The following ARHGAP24 variants were observed in gnomAD, a reference collection of about 807,000 sequenced individuals.
ARHGAP24 encodes the protein Rho GTPase activating protein 24.
A neutral mutation model predicts 76.4 loss-of-function variants in ARHGAP24; 50 were observed. That is an observed-to-expected ratio of 0.65 (90% CI 0.52 to 0.83). The LOEUF is 0.83. ARHGAP24 is among the 40% of genes least tolerant of loss of function. The pLI, the probability that ARHGAP24 is intolerant of heterozygous loss-of-function variation, is 0.00. For missense variants in ARHGAP24, 930 were observed against 914.2 expected (o/e 1.02, Z -0.22); for synonymous variants, 345 against 323.3 (o/e 1.07, Z -0.72).
At chr4:85,938,579 G>T (rs532010642) in intron 4 of ARHGAP24, among the ~76,000 whole-genome samples, 1 of 152,130 alleles carries the variant, frequency 6.6e-6, no homozygotes, top group South Asian at 2.1e-4. Context: ...GAAGTGTTTG[G>T]CACACTCTAT....
rs1259571110 is a variant in ARHGAP24 at position 85,856,470 on chromosome 4, TC to T, written c.269-67177del. On this transcript the variant is annotated intron_variant, in intron 3 of 9. Transcript: ENST00000395184. ...AAAAGAATTTTTAAAAGGAAATTAC[TC>T]TTTTTTTTTTTTTTTTTGAGACAAA... is the stretch of plus-strand genomic sequence containing the variant. 5.5e-4 allele frequency among the ~76,000 whole-genome samples: 45 copies of T among 82,240 alleles called. No homozygotes were observed. The South Asian group carries it at 0.025, about 46-fold the overall frequency. 54.0% of individuals were successfully genotyped at this position (82,240 alleles called of 152,430 possible).
intron 2 of ARHGAP24, among the ~76,000 whole-genome samples, chr4:85,682,145 C>T (rs1723229560): frequency 6.6e-6 from 1 of 152,158 alleles, no homozygotes; most frequent in Non-Finnish European, 1.5e-5. Flanking sequence ...TGACCAAGCT[C>T]AGCTGGACAG....
In ARHGAP24 at chr4:85,942,235, A is replaced by T. The variant is rs1279410338; in HGVS notation, c.561A>T (p.Gln187His). The T allele has an allele frequency of 6.2e-7, 1 of 1,614,002 alleles. No individual in the cohort carries two copies. The highest frequency in any genetic ancestry group is 2.2e-5 in the East Asian group (1 of 44,894). Reference protein sequence around the residue: ...PGQANLVKELQDAFDCGEKPS... With the variant: ...PGQANLVKELHDAFDCGEKPS... The stretch of plus-strand genomic sequence containing the variant: ...AGGCTAATCTTGTTAAGGAGCTCCA[A>T]GATGCCTTTGACTGTGGGGAGAAGC... Residue 187 changes from glutamine to histidine, a missense_variant, in exon 5 of 10, where the codon CAA becomes CAT. Physicochemically the swap from Gln to His is conservative, Grantham distance 24. Transcript: ENST00000395184.
chr4:85,972,970 C>A (rs550224191), intron 6 of ARHGAP24, among the ~76,000 whole-genome samples: 1 of 152,130 alleles, frequency 6.6e-6, no homozygotes, highest in East Asian at 1.9e-4. Flanking sequence ...ATCAGAGAGA[C>A]CTTTGGGGTT....
chr4:85,884,072 C>G (rs938854351), intron 3 of ARHGAP24, among the ~76,000 whole-genome samples: 1 of 152,142 alleles, frequency 6.6e-6, no homozygotes, highest in Non-Finnish European at 1.5e-5. Context: ...AAATTTTGTG[C>G]AGGAATATGT....
intron 5 of ARHGAP24, among the ~76,000 whole-genome samples, chr4:85,971,269 G>A (rs1246371227): frequency 6.6e-6 from 1 of 152,130 alleles, no homozygotes; most frequent in Non-Finnish European, 1.5e-5. Context: ...AGAGATGAGC[G>A]AGAATTTAGT....
chr4:85,495,097 A>G (rs924026944), intron 1 of ARHGAP24, among the ~76,000 whole-genome samples: 1 of 147,490 alleles, frequency 6.8e-6, no homozygotes, highest in Non-Finnish European at 1.5e-5. Flanking sequence ...TCCGTCTCAA[A>G]AAAAAAAAAA....
At chr4:85,506,901 T>TTC (rs11438274) in intron 1 of ARHGAP24, among the ~76,000 whole-genome samples, 8 of 151,728 alleles carry the variant, frequency 5.3e-5, no homozygotes, top group African/African-American at 1.5e-4. Context: ...CCTTTTTTTT[T>TTC]CCCCCCATGT....
At chr4:85,510,882 T>C (rs1429088574) in intron 1 of ARHGAP24, among the ~76,000 whole-genome samples, 2 of 143,284 alleles carry the variant, frequency 1.4e-5, no homozygotes, top group African/African-American at 5.1e-5. Context: ...TTACTTTCTT[T>C]GGAAAGGAGA....
chr4:85,568,283 T>C (rs1560536001), intron 1 of ARHGAP24, among the ~76,000 whole-genome samples: 2 of 149,836 alleles, frequency 1.3e-5, no homozygotes, highest in African/African-American at 2.5e-5. Context: ...TGCAATGAAT[T>C]CTAGATTTGT....
At chr4:85,481,007 G>A (rs1406406601) in intron 1 of ARHGAP24, among the ~76,000 whole-genome samples, 3 of 152,070 alleles carry the variant, frequency 2.0e-5, no homozygotes, top group African/African-American at 7.2e-5. Context: ...CAAAAAGGGA[G>A]AATATAACTT....
chr4:85,765,691 T>C (rs1314199986), intron 3 of ARHGAP24, among the ~76,000 whole-genome samples: 2 of 152,054 alleles, frequency 1.3e-5, no homozygotes, highest in Non-Finnish European at 2.9e-5. Flanking sequence ...GTAATGGCAA[T>C]AGTAAGAATG....
chr4:85,487,844 AT>A (rs1188435559), intron 1 of ARHGAP24, among the ~76,000 whole-genome samples: 8 of 122,528 alleles, frequency 6.5e-5, no homozygotes, highest in African/African-American at 1.9e-4. Flanking sequence ...TATTATATAA[AT>A]ATATATTTAT....
In ARHGAP24 at chr4:85,990,699, G is replaced by A. The variant is rs1264717488; in HGVS notation, c.929-3884G>A. ...GAAGGTCATTTCCCCAAATGATGCT[G>A]GAACAATTTCATAGCCCTAAAAAAT... On this transcript the variant is annotated intron_variant, in intron 8 of 9. Coordinates refer to ENST00000395184, the MANE Select transcript of ARHGAP24 (RefSeq NM_001025616.3). 3.3e-5 allele frequency: 5 copies of A among 151,706 alleles called. No individual in the cohort carries two copies. The East Asian group carries it at 9.6e-4, about 29-fold the overall frequency. The allele number at this position is 151,706 out of a possible 1,614,324, so 9.4% of individuals were successfully genotyped here. A position where few individuals can be genotyped will look rare whatever the true frequency, so the allele number is the denominator to read the frequency against.
intron 2 of ARHGAP24, among the ~76,000 whole-genome samples, chr4:85,715,193 G>A (rs1297099857): frequency 1.3e-5 from 2 of 152,068 alleles, no homozygotes; most frequent in Admixed American, 6.6e-5. Context: ...TTGCTAATTA[G>A]AGGTTTACTT....
At chr4:85,981,763 C>A (rs1341016078) in intron 8 of ARHGAP24, among the ~76,000 whole-genome samples, 1 of 152,276 alleles carries the variant, frequency 6.6e-6, no homozygotes, top group Middle Eastern at 3.4e-3. Flanking sequence ...GGAGTCCTGG[C>A]TGGTCAGTGT....
chr4:85,709,403 C>T (rs1045981547), intron 2 of ARHGAP24, among the ~76,000 whole-genome samples: 1 of 151,968 alleles, frequency 6.6e-6, no homozygotes, highest in African/African-American at 2.4e-5. Context: ...TAAAATGTAA[C>T]ACCCATTCCT....
At chr4:85,928,547 T>G (rs1736149072) in intron 4 of ARHGAP24, among the ~76,000 whole-genome samples, 1 of 152,154 alleles carries the variant, frequency 6.6e-6, no homozygotes, top group South Asian at 2.1e-4. Flanking sequence ...AACCTCTGCC[T>G]CCCTGGTTCC....
At chr4:85,985,131 A>G (rs563983719) in intron 8 of ARHGAP24, among the ~76,000 whole-genome samples, 1 of 152,034 alleles carries the variant, frequency 6.6e-6, no homozygotes, top group African/African-American at 2.4e-5. Flanking sequence ...CAGAAGAGTA[A>G]CTCTTATACT....
Sources: gnomAD v4.1 joint callset for allele counts (sites outside exome capture counted in the v4.1 genomes callset) on GRCh38, gnomAD v4.1.1 for gene constraint, MANE v1.5 for transcripts, NCBI Gene and HGNC (gene_info 2026-07-23, HGNC 2026-07-21) for gene names.